Variants in MYPN observed in about 807,000 individuals in gnomAD.
The protein encoded by MYPN is sarcomeric protein myopalladin, 145 kDa (MYOP).
A neutral mutation model predicts 129.4 loss-of-function variants in MYPN; 63 were observed. That is an observed-to-expected ratio of 0.49 (90% confidence interval 0.40 to 0.60). MYPN has a LOEUF of 0.60. Ranked by LOEUF, MYPN falls within the 20% of genes least tolerant of loss-of-function variation. The probability of loss-of-function intolerance (pLI) is 0.00; values close to 1 mark genes in which losing one functional copy is unlikely to be tolerated. For synonymous variants in MYPN, 629 were observed against 600.9 expected (o/e 1.05, Z -0.68); for missense variants, 1,596 against 1,635.4 (o/e 0.98, Z 0.42).
intron 11 of MYPN, 109 bp downstream of exon 11, chr10:68,174,765 C>A: frequency 2.0e-6 from 2 of 1,008,300 alleles, no homozygotes; most frequent in Non-Finnish European, 3.0e-6. Context: ...CCTAGATAAT[C>A]TTATTCTCTT....
Position 68,174,621 on chromosome 10 carries a change from A to T in MYPN, c.2529A>T (p.Thr843=). ...CTTCTCTCCCTGCCATCCCACCCAC[A>T]AATGCCATGGGGCTGCCTAGAAGTG... ...VLPSLPAIPP[T]NAMGLPRSAP... Residue 843 remains threonine (T), a synonymous_variant, in exon 11 of 20, where the codon ACA becomes ACT. Transcript: ENST00000358913. The T allele has an allele frequency of 6.2e-7, 1 of 1,614,084 alleles. No individual in the cohort carries two copies. Among genetic ancestry groups the T allele is most frequent in the Non-Finnish European group, 8.5e-7 (1 of 1,179,996 alleles).
In MYPN at chr10:68,149,556, C is replaced by T. The variant is rs564097033; in HGVS notation, c.1246-484C>T. On this transcript the variant is annotated intron_variant, in intron 5 of 19. Coordinates refer to ENST00000358913, the MANE Select transcript of MYPN (RefSeq NM_032578.4). Reference sequence around the variant, plus strand: ...TCAAGCCATCCTCCCGCCTCAGCCTCCCAAAGTGCTAGAATTACAGCTGTG... The same window carrying T: ...TCAAGCCATCCTCCCGCCTCAGCCTTCCAAAGTGCTAGAATTACAGCTGTG... Among the ~76,000 whole-genome samples, 275 of 152,238 alleles carry T rather than the reference C, an allele frequency of 1.8e-3. 3 individuals carry two copies. The highest frequency in any genetic ancestry group is 6.4e-3 in the African/African-American group (267 of 41,534).
At chr10:68,148,805 A>G (rs548428622) in intron 5 of MYPN, among the ~76,000 whole-genome samples, 50 of 152,358 alleles carry the variant, frequency 3.3e-4, no homozygotes, top group South Asian at 6.2e-4. Flanking sequence ...GATTAGTTTC[A>G]TGGAGCTGCA....
At chr10:68,137,956 G>A (rs989897680) in intron 2 of MYPN, among the ~76,000 whole-genome samples, 3 of 152,116 alleles carry the variant, frequency 2.0e-5, no homozygotes, top group Admixed American at 2.0e-4. Flanking sequence ...AGATTTTTAT[G>A]CTATTAGTAC....
intron 18 of MYPN, among the ~76,000 whole-genome samples, chr10:68,202,720 C>A (rs951126662): frequency 6.6e-6 from 1 of 152,052 alleles, no homozygotes; most frequent in Non-Finnish European, 1.5e-5. Flanking sequence ...CACAAGGGGA[C>A]AAGTAAGTAA....
intron 1 of MYPN, among the ~76,000 whole-genome samples, chr10:68,117,702 C>T (rs917452274): frequency 6.6e-6 from 1 of 152,000 alleles, no homozygotes; most frequent in Non-Finnish European, 1.5e-5. Context: ...AATTTTTCCT[C>T]GGATCAAGCC....
rs193022869 is a variant in MYPN, at chr10:68,188,957, G to A, written c.2756G>A (p.Arg919His). Residue 919 changes from arginine (R) to histidine (H), a missense_variant, in exon 13 of 20, where the codon CGC (arginine) becomes CAC (histidine). Physicochemically the swap from Arg to His is conservative, Grantham distance 29 (BLOSUM62 0). Transcript: ENST00000358913. The stretch of plus-strand genomic sequence containing the variant: ...AGGCTGATGAATGAAATAGAGTTTC[G>A]CTTGGAACGTACTCCTGTTGATGAA... Reference protein sequence around the residue: ...EQRLMNEIEFRLERTPVDESD... With the variant: ...EQRLMNEIEFHLERTPVDESD... 6.8e-5 allele frequency: 109 copies of A among 1,614,056 alleles called. No individual in the cohort carries two copies. Among genetic ancestry groups the A allele is most frequent in the Admixed American group, 1.5e-4 (9 of 59,982 alleles).
chr10:68,113,293 A>C (rs1427228893), intron 1 of MYPN, among the ~76,000 whole-genome samples: 1 of 152,190 alleles, frequency 6.6e-6, no homozygotes, highest in African/African-American at 2.4e-5. Flanking sequence ...ATTATTAACT[A>C]TTAGGCTATT....
intron 12 of MYPN, among the ~76,000 whole-genome samples, chr10:68,179,253 T>A (rs141663536): frequency 5.3e-4 from 80 of 152,318 alleles, no homozygotes; most frequent in African/African-American, 1.8e-3. Context: ...CCTTACATTC[T>A]ACTTTGTAAG....
chr10:68,210,840 T>C lies in MYPN; in HGVS notation c.*385T>C. The C allele has an allele frequency of 2.2e-6, 1 of 459,114 alleles. No individual in the cohort carries two copies. The allele number at this position is 459,114 out of a possible 1,614,324, so 28.4% of individuals were successfully genotyped here. ...GAGAAGAGCTAGGCAGTAGTGACCT[T>C]AGGATATGACTAACTCACCAAACAA... On this transcript the variant is annotated 3_prime_UTR_variant, in exon 20 of 20. Coordinates refer to ENST00000358913, the MANE Select transcript of MYPN (RefSeq NM_032578.4).
At chr10:68,087,942 G>C (rs913486814) in exon 1 of MYPN, among the ~76,000 whole-genome samples, 3 of 152,278 alleles carry the variant, frequency 2.0e-5, no homozygotes, top group African/African-American at 7.2e-5. Context: ...TGGGAGTCCC[G>C]GCTGGAACTA....
chr10:68,174,167 T>C lies in MYPN; in HGVS notation c.2075T>C (p.Met692Thr). The change falls in exon 11 of 20, where the codon ATG becomes ACG. Residue 692 changes from methionine to threonine, a missense_variant. By Grantham distance (81) the Met-to-Thr change is moderately conservative. Coordinates refer to ENST00000358913, the MANE Select transcript of MYPN (RefSeq NM_032578.4). ...PSSPKEFPFSMTVLNSNAPPA... is the reference protein window; with the variant it reads ...PSSPKEFPFSTTVLNSNAPPA... ...TCTCCTAAGGAGTTTCCTTTCAGCA[T>C]GACTGTTTTGAACTCCAATGCTCCC... 3.7e-6 allele frequency: 6 copies of C among 1,614,040 alleles called. No individual in the cohort carries two copies. The East Asian group carries it at 1.3e-4, about 36-fold the overall frequency.
At chr10:68,164,897 A>G (rs1296936464) in intron 8 of MYPN, among the ~76,000 whole-genome samples, 1 of 152,244 alleles carries the variant, frequency 6.6e-6, no homozygotes, top group Non-Finnish European at 1.5e-5. Context: ...CTAGTAAAGC[A>G]AAATATTTAT....
chr10:68,176,359 A>G (rs2043227370), intron 12 of MYPN, among the ~76,000 whole-genome samples: 1 of 152,226 alleles, frequency 6.6e-6, no homozygotes, highest in Non-Finnish European at 1.5e-5. Flanking sequence ...GGTTTACATT[A>G]TAATAATCTA....
chr10:68,090,328 G>A (rs10823132), intron 1 of MYPN, among the ~76,000 whole-genome samples: 41,958 of 151,868 alleles, frequency 0.28, 7,149 homozygotes, highest in East Asian at 0.85. Context: ...ACATCCGGCT[G>A]ATTTTTTTGT....
At chr10:68,196,910 G>A (rs1440359202) in intron 15 of MYPN, among the ~76,000 whole-genome samples, 1 of 152,040 alleles carries the variant, frequency 6.6e-6, no homozygotes, top group African/African-American at 2.4e-5. Flanking sequence ...ATAATTTATA[G>A]CCAGGTTAAA....
rs138662797 is a variant in MYPN, at chr10:68,132,000, C to T, written c.902+9660C>T. Among the ~76,000 whole-genome samples the T allele has an allele frequency of 7.1e-4, 108 of 152,140 alleles. No homozygotes were observed. The East Asian group carries it at 0.018, about 26-fold the overall frequency. On this transcript the variant is annotated intron_variant, in intron 2 of 19. Transcript: ENST00000358913. ...GTTCTTCCTTTATAATCCTCTATTT[C>T]GTATTTCATTATTTTTGCTGTTTTG...
chr10:68,109,710 C>T lies in MYPN; in HGVS notation c.-15C>T. On this transcript the variant is annotated 5_prime_UTR_variant, in exon 1 of 20. Coordinates refer to ENST00000358913, the MANE Select transcript of MYPN (RefSeq NM_032578.4). ...GATTGGACATCCTCATCTGGGTCAACTAAAAAAAGAAAGGTAATATCCAGA... is the reference window on the plus strand; with the variant it reads ...GATTGGACATCCTCATCTGGGTCAATTAAAAAAAGAAAGGTAATATCCAGA... 6.6e-6 allele frequency: 3 copies of T among 452,534 alleles called. No homozygotes were observed. The highest frequency in any genetic ancestry group is 4.7e-5 in the South Asian group (3 of 64,214). The allele number at this position is 452,534 out of a possible 1,614,324, so 28.0% of individuals were successfully genotyped here.
chr10:68,175,248 C>G lies in MYPN; in HGVS notation c.2565-75C>G. The G allele has an allele frequency of 6.5e-7, 1 of 1,534,852 alleles. No individual in the cohort carries two copies. The highest frequency in any genetic ancestry group is 2.3e-5 in the East Asian group (1 of 44,436). ...CGCTGGTTTCTGGTTGTCATTTCAA[C>G]CACTCTGATTTCTAGGCCTTTTTAC... On this transcript the variant is annotated intron_variant, in intron 11 of 19. Coordinates refer to ENST00000358913, the MANE Select transcript of MYPN (RefSeq NM_032578.4).
Sources: gnomAD v4.1 joint callset for allele counts (sites outside exome capture counted in the v4.1 genomes callset) on GRCh38, gnomAD v4.1.1 for gene constraint, MANE v1.5 for transcripts, NCBI Gene and HGNC (gene_info 2026-07-23, HGNC 2026-07-21) for gene names.